CMC2: variants seen among roughly 807,000 people sequenced by gnomAD.
CMC2 encodes the protein COX assembly mitochondrial protein 2 homolog.
A neutral mutation model predicts 7.5 loss-of-function variants in CMC2; 5 were observed. The observed-to-expected ratio is 0.66, with a 90% confidence interval of 0.35 to 1.40. The LOEUF (loss-of-function observed/expected upper bound fraction) is 1.40. Ranked by LOEUF, CMC2 falls within the 40% of genes most tolerant of loss-of-function variation. The pLI is 0.04. For synonymous variants in CMC2, 37 were observed against 31.4 expected (o/e 1.18, Z -0.60); for missense variants, 115 against 92.3 (o/e 1.25, Z -1.01).
chr16:80,992,516 G>A (rs1209659761), intron 2 of CMC2, among the ~76,000 whole-genome samples: 1 of 152,144 alleles, frequency 6.6e-6, no homozygotes, highest in African/African-American at 2.4e-5. Context: ...AGAATGCGCT[G>A]TCACACTGTT....
Position 80,966,750 on chromosome 16 carries a change from G to A in CMC2, c.*9343C>T, listed in dbSNP as rs545624627. The A allele has an allele frequency of 6.6e-5, 10 of 152,086 alleles. No individual in the cohort carries two copies. Among genetic ancestry groups the A allele is most frequent in the Non-Finnish European group, 1.3e-4 (9 of 67,984 alleles). The allele number at this position is 152,086 out of a possible 1,614,324, so 9.4% of individuals were successfully genotyped here. ...TATAAAATCAACTTGACATGTACTC[G>A]AGTTATTTGTTTCAGCTTGTTTTCA... On this transcript the variant is annotated 3_prime_UTR_variant, in exon 4 of 4. Transcript: ENST00000219400.
intron 2 of CMC2, among the ~76,000 whole-genome samples, chr16:80,989,950 C>A (rs1258471458): frequency 6.6e-6 from 1 of 152,204 alleles, no homozygotes; most frequent in African/African-American, 2.4e-5. Flanking sequence ...AACAGCTCTA[C>A]TTTGTCTTTA....
intron 1 of CMC2, among the ~76,000 whole-genome samples, chr16:80,999,755 A>C (rs1968718046): frequency 6.6e-6 from 1 of 152,252 alleles, no homozygotes; most frequent in African/African-American, 2.4e-5. Context: ...ATAAAGCCAC[A>C]CACTTTTGAT....
chr16:80,978,179 T>C (rs940914946), intron 3 of CMC2: 1 of 734,786 alleles, frequency 1.4e-6, no homozygotes, highest in Non-Finnish European at 1.7e-6. Context: ...GGGGAAAAAA[T>C]CAATAAAACG....
chr16:80,998,011 G>A (rs1028627953), intron 1 of CMC2: 1 of 151,496 alleles, frequency 6.6e-6, no homozygotes, highest in Admixed American at 6.6e-5. Context: ...AAAACATGAA[G>A]CTGAAATCCC....
intron 1 of CMC2, among the ~76,000 whole-genome samples, chr16:81,005,396 A>C (rs940202838): frequency 1.4e-4 from 22 of 151,782 alleles, no homozygotes; most frequent in Non-Finnish European, 2.5e-4. Context: ...TGGGCGACAA[A>C]ACAAGACGCC....
At position 80,974,595 on chromosome 16, in the gene CMC2, T is replaced by C. The variant is rs1912147036; in HGVS notation, c.*1498A>G. On this transcript the variant is annotated 3_prime_UTR_variant, in exon 4 of 4. Transcript: ENST00000219400. ...CTCATTTGTCAAAGGTCATCTTTGCTAAATAGCTTTCTTGGAATAGCTCCT... is the reference window on the plus strand; with the variant it reads ...CTCATTTGTCAAAGGTCATCTTTGCCAAATAGCTTTCTTGGAATAGCTCCT... The C allele has an allele frequency of 6.6e-6, 1 of 152,248 alleles. No homozygotes were observed. Among genetic ancestry groups the C allele is most frequent in the Admixed American group, 6.5e-5 (1 of 15,284 alleles). The allele number at this position is 152,248 out of a possible 1,614,324, so 9.4% of individuals were successfully genotyped here. A position where few individuals can be genotyped will look rare whatever the true frequency, so the allele number is the denominator to read the frequency against.
intron 2 of CMC2, among the ~76,000 whole-genome samples, chr16:80,994,841 T>C (rs1336133198): frequency 6.6e-6 from 1 of 152,182 alleles, no homozygotes; most frequent in African/African-American, 2.4e-5. Flanking sequence ...AAAATGATGT[T>C]TACACAAAGA....
intron 3 of CMC2, among the ~76,000 whole-genome samples, chr16:80,978,866 G>C (rs1567505984): frequency 1.3e-5 from 2 of 152,152 alleles, no homozygotes; most frequent in Admixed American, 1.3e-4. Flanking sequence ...CGGATAACAA[G>C]CTCAGAAGAT....
At chr16:80,990,264 A>G (rs182487663) in intron 2 of CMC2, among the ~76,000 whole-genome samples, 1 of 152,108 alleles carries the variant, frequency 6.6e-6, no homozygotes, top group African/African-American at 2.4e-5. Context: ...TCTGTCTCCC[A>G]GGTTCAAGTG....
In CMC2 at chr16:80,997,374, T is replaced by G. The variant is rs917868252; in HGVS notation, c.21A>C (p.Pro7=). Residue 7 remains proline, a synonymous_variant, in exon 2 of 4, where the codon CCA becomes CCC. Coordinates refer to ENST00000219400, the MANE Select transcript of CMC2 (RefSeq NM_020188.5). MHPDLS[P]HLHTEECNVL... is the part of the protein sequence containing the mutation. Reference sequence around the variant, plus strand: ...CGTTGCATTCTTCAGTGTGCAAGTGTGGAGATAAGTCAGGATGCATCTTTA... The same window carrying G: ...CGTTGCATTCTTCAGTGTGCAAGTGGGGAGATAAGTCAGGATGCATCTTTA... 1 of 1,612,604 alleles carries G rather than the reference T, an allele frequency of 6.2e-7. No individual in the cohort carries two copies. The highest frequency in any genetic ancestry group is 8.5e-7 in the Non-Finnish European group (1 of 1,178,764).
chr16:81,000,251 G>A (rs552020558), intron 1 of CMC2, among the ~76,000 whole-genome samples: 38 of 152,210 alleles, frequency 2.5e-4, no homozygotes, highest in South Asian at 1.0e-3. Context: ...TAATCCCAGC[G>A]CTTTGGGAGG....
At chr16:80,997,288 G>A (rs1355500880) in intron 2 of CMC2, 26 bp downstream of exon 2, 1 of 1,212,340 alleles carries the variant, frequency 8.2e-7, no homozygotes. Context: ...CATTTTGGCT[G>A]TACAGTCGTT....
intron 2 of CMC2, among the ~76,000 whole-genome samples, chr16:80,988,295 T>A (rs115273959): frequency 6.6e-6 from 1 of 152,184 alleles, no homozygotes; most frequent in Non-Finnish European, 1.5e-5. Flanking sequence ...TCTCACTCCG[T>A]TGCCCAGGCT....
intron 1 of CMC2, among the ~76,000 whole-genome samples, chr16:81,000,755 C>G (rs528025118): frequency 6.6e-6 from 1 of 152,276 alleles, no homozygotes; most frequent in East Asian, 1.9e-4. Flanking sequence ...GTGGGAATGT[C>G]AATTAGTTCA....
At chr16:80,991,977 T>G (rs1200205253) in intron 2 of CMC2, 1 of 455,268 alleles carries the variant, frequency 2.2e-6, no homozygotes, top group East Asian at 6.9e-5. Flanking sequence ...AGAAAAGACA[T>G]TAGGTAAACA....
At chr16:80,983,657 C>A (rs1243359277) in intron 2 of CMC2, 1 of 152,182 alleles carries the variant, frequency 6.6e-6, no homozygotes, top group Admixed American at 6.5e-5. Context: ...TTCTCATTTG[C>A]CCCCATTCAA....
chr16:80,984,906 T>C lies in CMC2; in HGVS notation c.82-3029A>G, dbSNP rs140143898. Among the ~76,000 whole-genome samples, 59 of 152,328 alleles carry C rather than the reference T, an allele frequency of 3.9e-4. 1 individual carries two copies. The highest frequency in any genetic ancestry group is 1.3e-3 in the African/African-American group (56 of 41,570). On this transcript the variant is annotated intron_variant, in intron 2 of 3. Coordinates refer to ENST00000219400, the MANE Select transcript of CMC2 (RefSeq NM_020188.5). ...GACCCAAGTGCCCCAGAGAAATTGG[T>C]AGAAGAAATGCCCACAGGCTACAAT...
chr16:80,982,086 C>T (rs1049207449), intron 2 of CMC2, among the ~76,000 whole-genome samples: 3 of 151,924 alleles, frequency 2.0e-5, no homozygotes, highest in African/African-American at 7.3e-5. Context: ...GATTTTCTTT[C>T]AATAAATATA....
Sources: gnomAD v4.1 joint callset for allele counts (sites outside exome capture counted in the v4.1 genomes callset) on GRCh38, gnomAD v4.1.1 for gene constraint, MANE v1.5 for transcripts, NCBI Gene and HGNC (gene_info 2026-07-23, HGNC 2026-07-21) for gene names.